The following SLC2A1 variants were observed in gnomAD, a reference collection of about 807,000 sequenced individuals.
SLC2A1 encodes the protein solute carrier family 2, facilitated glucose transporter member 1.
A neutral mutation model predicts 46.6 loss-of-function variants in SLC2A1; 4 were observed. The observed-to-expected ratio is 0.09, with a 90% CI of 0.04 to 0.20. SLC2A1 has a LOEUF of 0.20. SLC2A1 is among the 10% of genes least tolerant of loss of function. The pLI, the probability that SLC2A1 is intolerant of heterozygous loss-of-function variation, is 1.00. For synonymous variants in SLC2A1, 253 were observed against 270.0 expected (o/e 0.94, Z 0.62); for missense variants, 352 against 667.0 (o/e 0.53, Z 5.20).
Position 42,926,878 on chromosome 1 carries a change from A to G in SLC2A1, c.*163T>C. ...CTTTTGTTAAAATCCTGGAGCCGTT[A>G]AGTCCTGAATATTCTTCTGGACATC... is the stretch of plus-strand genomic sequence containing the variant. On this transcript the variant is annotated 3_prime_UTR_variant, in exon 10 of 10. Transcript: ENST00000426263. 2.0e-6 allele frequency: 3 copies of G among 1,482,552 alleles called. No individual in the cohort carries two copies. The highest frequency in any genetic ancestry group is 4.8e-5 in the East Asian group (2 of 41,512). 91.8% of individuals were successfully genotyped at this position (1,482,552 alleles called of 1,614,324 possible). A position where few individuals can be genotyped will look rare whatever the true frequency, so the allele number is the denominator to read the frequency against.
At chr1:42,946,672 A>G (rs900834) in intron 1 of SLC2A1, among the ~76,000 whole-genome samples, 119,498 of 151,962 alleles carry the variant, frequency 0.79, 47,081 homozygotes, top group African/African-American at 0.8. Context: ...AGTATGTGCA[A>G]GGAGAAGAAA....
chr1:42,927,012 A>G lies in SLC2A1; in HGVS notation c.*29T>C. 1 of 1,610,204 alleles carries G rather than the reference A, an allele frequency of 6.2e-7. No individual in the cohort carries two copies. ...CTGAGAGATCCTTAGGGCTGCTGGGAGCAGGCCGGGCTGGTGATCTGGGGC... is the reference window on the plus strand; with the variant it reads ...CTGAGAGATCCTTAGGGCTGCTGGGGGCAGGCCGGGCTGGTGATCTGGGGC... On this transcript the variant is annotated 3_prime_UTR_variant, in exon 10 of 10. Coordinates refer to ENST00000426263, the MANE Select transcript of SLC2A1 (RefSeq NM_006516.4). This position sits in a 1 kb window ranked among gnomAD's most constrained non-coding sequence, Gnocchi z 5.3.
Position 42,939,056 on chromosome 1 carries a change from G to A in SLC2A1, c.114+4170C>T, listed in dbSNP as rs115956671. ...TTCTCTCTCCTTACTGTCTAGGACC[G>A]CATCTGGCACAGCGTGGATGCTCAG... On this transcript the variant is annotated intron_variant, in intron 2 of 9. Transcript: ENST00000426263. Among the ~76,000 whole-genome samples the A allele has an allele frequency of 1.4e-3, 216 of 152,348 alleles. 2 individuals are homozygous for A. The highest frequency in any genetic ancestry group is 4.9e-3 in the African/African-American group (205 of 41,582).
chr1:42,939,418 G>A (rs1352186460), intron 2 of SLC2A1, among the ~76,000 whole-genome samples: 3 of 152,180 alleles, frequency 2.0e-5, no homozygotes, highest in Non-Finnish European at 2.9e-5. Flanking sequence ...CTCCAGCTTC[G>A]GTCTGCTGGG....
At chr1:42,938,930 A>G (rs1643569212) in intron 2 of SLC2A1, among the ~76,000 whole-genome samples, 1 of 152,112 alleles carries the variant, frequency 6.6e-6, no homozygotes, top group Admixed American at 6.5e-5. Flanking sequence ...GGCTTTCTCC[A>G]AGGGGTCTCT....
rs527480528 is a variant in SLC2A1 at position 42,936,297 on chromosome 1, T to G, written c.115-5091A>C. Among the ~76,000 whole-genome samples, 86 of 152,298 alleles carry G rather than the reference T, an allele frequency of 5.6e-4. 1 individual carries two copies. Among genetic ancestry groups the G allele is most frequent in the African/African-American group, 2.0e-3 (83 of 41,558 alleles). On this transcript the variant is annotated intron_variant, in intron 2 of 9. Transcript: ENST00000426263. ...CAGTTACAAGGAGGAAAGGGCCAGC[T>G]TCTCCGGCTTAGCCTCTCAGCCTGG...
intron 1 of SLC2A1, among the ~76,000 whole-genome samples, chr1:42,949,082 A>G (rs1161660437): frequency 1.3e-5 from 2 of 151,628 alleles, no homozygotes; most frequent in African/African-American, 2.4e-5. Flanking sequence ...AAAAAAAAAA[A>G]AAGTACAAAA....
At chr1:42,928,893 T>A (rs1197024194) in intron 8 of SLC2A1, 39 bp downstream of exon 8, 1 of 1,574,186 alleles carries the variant, frequency 6.4e-7, no homozygotes. Context: ...CCAGGCAAAC[T>A]CTCCCGCATC....
In SLC2A1 at chr1:42,930,671, G is replaced by A. The variant is rs767332379; in HGVS notation, c.471C>T (p.Gly157=). 7 of 1,613,266 alleles carry A rather than the reference G, an allele frequency of 4.3e-6. No homozygotes were observed. Among genetic ancestry groups the A allele is most frequent in the Non-Finnish European group, 5.9e-6 (7 of 1,179,634 alleles). ...VSPTALRGAL[G]TLHQLGIVVG... ...CGACGATGCCCAGCTGGTGCAGGGT[G>A]CCCAGGGCCCCACGAAGGGCTGTGG... The change falls in exon 4 of 10, where the codon GGC becomes GGT. Residue 157 remains glycine, a synonymous_variant. Transcript: ENST00000426263. This position sits in a 1 kb window ranked among gnomAD's most constrained non-coding sequence, Gnocchi z 6.2.
At chr1:42,952,272 G>A (rs1010425748) in intron 1 of SLC2A1, 7 of 421,812 alleles carry the variant, frequency 1.7e-5, no homozygotes, top group African/African-American at 1.2e-4. Flanking sequence ...TCAGGATCAA[G>A]CCCACAAATA....
chr1:42,955,936 C>T lies in SLC2A1; in HGVS notation c.18+2698G>A, dbSNP rs74070940. On this transcript the variant is annotated intron_variant, in intron 1 of 9. Coordinates refer to ENST00000426263, the MANE Select transcript of SLC2A1 (RefSeq NM_006516.4). ...CACGGGGAAGTTAGTTAAGTCAGTTCCCATTTCCTAGGAGACAAAGAGGAA... is the reference window on the plus strand; with the variant it reads ...CACGGGGAAGTTAGTTAAGTCAGTTTCCATTTCCTAGGAGACAAAGAGGAA... 4.3e-3 allele frequency among the ~76,000 whole-genome samples: 655 copies of T among 152,288 alleles called. 6 individuals are homozygous for T. Among genetic ancestry groups the T allele is most frequent in the African/African-American group, 0.015 (623 of 41,558 alleles).
chr1:42,945,109 G>A (rs551784643), intron 1 of SLC2A1, among the ~76,000 whole-genome samples: 2 of 152,264 alleles, frequency 1.3e-5, no homozygotes, highest in African/African-American at 2.4e-5. Context: ...ACTAAACAGC[G>A]ACTGCTAGGC....
At chr1:42,938,945 C>G (rs1420149938) in intron 2 of SLC2A1, among the ~76,000 whole-genome samples, 2 of 152,272 alleles carry the variant, frequency 1.3e-5, no homozygotes, top group African/African-American at 2.4e-5. Context: ...GTCTCTCCCA[C>G]TGCTGTGGAG....
chr1:42,941,650 CCCAGA>C (rs1302456452), intron 2 of SLC2A1, among the ~76,000 whole-genome samples: 3 of 152,280 alleles, frequency 2.0e-5, no homozygotes, highest in African/African-American at 7.2e-5. Context: ...CAAACAGCAT[CCCAGA>C]CCAATTAAAT....
chr1:42,948,780 T>C (rs1226363794), intron 1 of SLC2A1, among the ~76,000 whole-genome samples: 1 of 151,868 alleles, frequency 6.6e-6, no homozygotes, highest in East Asian at 1.9e-4. Context: ...AATAGAAAAG[T>C]TGGAGCCGGG....
At position 42,930,580 on chromosome 1, in the gene SLC2A1, T is replaced by C. The variant is rs780337865; in HGVS notation, c.516+46A>G. On this transcript the variant is annotated intron_variant, in intron 4 of 9. Transcript: ENST00000426263. This position sits in a 1 kb window ranked among gnomAD's most constrained non-coding sequence, Gnocchi z 6.2. ...GCACAGATCCGAGAGCCACTGAAGC[T>C]GTGGGCAGGGGCCGTGCCAGGCAGG... The C allele has an allele frequency of 1.2e-6, 2 of 1,610,722 alleles. No individual in the cohort carries two copies. Among genetic ancestry groups the C allele is most frequent in the Admixed American group, 3.3e-5 (2 of 59,720 alleles).
intron 1 of SLC2A1, among the ~76,000 whole-genome samples, chr1:42,949,623 G>A (rs1051542041): frequency 2.6e-5 from 4 of 152,208 alleles, no homozygotes; most frequent in Non-Finnish European, 4.4e-5. Context: ...CGAGGCAGAA[G>A]GCACTCGCCA....
chr1:42,933,070 CA>C (rs1384826515), intron 2 of SLC2A1, among the ~76,000 whole-genome samples: 1 of 152,174 alleles, frequency 6.6e-6, no homozygotes, highest in Admixed American at 6.5e-5. Flanking sequence ...TGTGAGTTTC[CA>C]TGGCCCCATT....
intron 2 of SLC2A1, among the ~76,000 whole-genome samples, chr1:42,937,847 A>C (rs1163118652): frequency 6.6e-6 from 1 of 152,202 alleles, no homozygotes; most frequent in Non-Finnish European, 1.5e-5. Context: ...CACGAAGCCC[A>C]GTTCAGCCTG....
Sources: allele counts gnomAD v4.1 joint callset (sites outside exome capture counted in the v4.1 genomes callset), GRCh38; gene constraint gnomAD v4.1.1; non-coding constraint Gnocchi (gnomAD v3.1); transcripts MANE v1.5; gene names NCBI Gene and HGNC (gene_info 2026-07-23, HGNC 2026-07-21).